YAP1: variants seen among roughly 807,000 people sequenced by gnomAD.
The protein encoded by YAP1 is transcriptional coactivator YAP1.
In YAP1, 5 loss-of-function variants were observed where a neutral mutation model predicts 56.9. That is an observed-to-expected ratio of 0.09 (90% CI 0.05 to 0.18). YAP1 has a LOEUF of 0.18. Among genes scored for constraint, YAP1 ranks in the 10% least tolerant of loss-of-function variants. The pLI is 1.00. For synonymous variants in YAP1, 265 were observed against 248.1 expected (o/e 1.07, Z -0.64); for missense variants, 539 against 651.8 (o/e 0.83, Z 1.88).
intron 2 of YAP1, among the ~76,000 whole-genome samples, chr11:102,152,169 T>C (rs2135352719): frequency 6.6e-6 from 1 of 152,378 alleles, no homozygotes; most frequent in East Asian, 1.9e-4. Context: ...ACTGTCTTTA[T>C]TGATGGCCTG....
chr11:102,169,953 T>TA (rs773443317), intron 3 of YAP1, among the ~76,000 whole-genome samples: 1 of 152,160 alleles, frequency 6.6e-6, no homozygotes, highest in African/African-American at 2.4e-5. Flanking sequence ...CTTTTTGAAA[T>TA]AAAAAAAGTA....
chr11:102,199,008 A>G (rs1158066767), intron 4 of YAP1, among the ~76,000 whole-genome samples: 1 of 152,166 alleles, frequency 6.6e-6, no homozygotes, highest in Non-Finnish European at 1.5e-5. Context: ...GAGAGAGAGA[A>G]TGTATGTGTA....
At chr11:102,198,081 C>T (rs1948661709) in intron 4 of YAP1, among the ~76,000 whole-genome samples, 1 of 152,162 alleles carries the variant, frequency 6.6e-6, no homozygotes, top group African/African-American at 2.4e-5. Flanking sequence ...CTGCTTGTAT[C>T]CATAGGTAAC....
Position 102,200,381 on chromosome 11 carries a change from TTGAAAG to T in YAP1, c.803-5508_803-5503del, listed in dbSNP as rs1948787114. 2.0e-5 allele frequency among the ~76,000 whole-genome samples: 3 copies of T among 152,008 alleles called. No homozygotes were observed. The South Asian group carries it at 6.2e-4, about 31-fold the overall frequency. On this transcript the variant is annotated intron_variant, in intron 4 of 8. Coordinates refer to ENST00000282441, the MANE Select transcript of YAP1 (RefSeq NM_001130145.3). ...TAAAATGGGTGAATTTCTCTGTAGT[TTGAAAG>T]TGAGGAAATGTAATTCAGATTTTTA... is the stretch of plus-strand genomic sequence containing the variant.
chr11:102,206,575 G>T (rs1226055030), intron 5 of YAP1, among the ~76,000 whole-genome samples: 1 of 152,228 alleles, frequency 6.6e-6, no homozygotes, highest in African/African-American at 2.4e-5. Context: ...GCCAGGTGCG[G>T]TGGCTCATGC....
At chr11:102,158,587 G>T (rs1591266923) in intron 2 of YAP1, among the ~76,000 whole-genome samples, 1 of 152,034 alleles carries the variant, frequency 6.6e-6, no homozygotes, top group Non-Finnish European at 1.5e-5. Context: ...GAATAGCAGG[G>T]GTATGAAAGA....
At chr11:102,139,219 C>T (rs1293521743) in intron 2 of YAP1, among the ~76,000 whole-genome samples, 1 of 122,702 alleles carries the variant, frequency 8.1e-6, no homozygotes, top group Non-Finnish European at 1.9e-5. Context: ...CCTAGTTGTT[C>T]TCTTGACTTA....
At chr11:102,156,556 C>T (rs1038108118) in intron 2 of YAP1, among the ~76,000 whole-genome samples, 3 of 152,082 alleles carry the variant, frequency 2.0e-5, no homozygotes, top group Admixed American at 6.6e-5. Flanking sequence ...GTGATTATTA[C>T]GAAAAGAGCT....
chr11:102,201,882 C>A (rs1948878971), intron 4 of YAP1, among the ~76,000 whole-genome samples: 1 of 151,840 alleles, frequency 6.6e-6, no homozygotes, highest in African/African-American at 2.4e-5. Flanking sequence ...TCAAAGAAAT[C>A]AGGGCTTCTT....
intron 2 of YAP1, among the ~76,000 whole-genome samples, chr11:102,140,625 A>G (rs1457943794): frequency 6.6e-6 from 1 of 152,152 alleles, no homozygotes; most frequent in Non-Finnish European, 1.5e-5. Context: ...CGGACGGATC[A>G]CGAGGTCAGG....
At chr11:102,155,066 T>C (rs753867381) in intron 2 of YAP1, among the ~76,000 whole-genome samples, 10 of 152,188 alleles carry the variant, frequency 6.6e-5, no homozygotes, top group Non-Finnish European at 1.5e-5. Context: ...GAAGCAGAGG[T>C]TCAGAAAAGT....
chr11:102,111,097 C>A lies in YAP1; in HGVS notation c.249C>A (p.Thr83=). The stretch of plus-strand genomic sequence containing the variant: ...CCAAGACGGCCAACGTGCCCCAGAC[C>A]GTGCCCATGAGGCTCCGGAAGCTGC... ...MNPKTANVPQ[T]VPMRLRKLPD... is the part of the protein sequence containing the mutation. The change falls in exon 1 of 9, where the codon ACC becomes ACA. Residue 83 remains threonine, a synonymous_variant. Coordinates refer to ENST00000282441, the MANE Select transcript of YAP1 (RefSeq NM_001130145.3). 1 of 1,613,480 alleles carries A rather than the reference C, an allele frequency of 6.2e-7. No individual in the cohort carries two copies. Among genetic ancestry groups the A allele is most frequent in the East Asian group, 2.2e-5 (1 of 44,794 alleles).
intron 2 of YAP1, among the ~76,000 whole-genome samples, chr11:102,145,840 C>T (rs1351559322): frequency 1.3e-5 from 2 of 152,172 alleles, no homozygotes; most frequent in Non-Finnish European, 2.9e-5. Flanking sequence ...TACTCCTTTG[C>T]TCACTCATTT....
At chr11:102,206,328 G>C (rs1949118312) in intron 5 of YAP1, among the ~76,000 whole-genome samples, 1 of 152,146 alleles carries the variant, frequency 6.6e-6, no homozygotes. Flanking sequence ...CATTGCAATT[G>C]AGCAAAAATT....
At chr11:102,212,998 A>T (rs1949484304) in intron 6 of YAP1, among the ~76,000 whole-genome samples, 1 of 152,238 alleles carries the variant, frequency 6.6e-6, no homozygotes, top group Non-Finnish European at 1.5e-5. Flanking sequence ...TGTGAGATTG[A>T]GCAGTTAATG....
intron 2 of YAP1, among the ~76,000 whole-genome samples, chr11:102,116,139 T>C (rs1191795097): frequency 6.6e-6 from 1 of 152,216 alleles, no homozygotes; most frequent in Non-Finnish European, 1.5e-5. Context: ...TCAGCATTCA[T>C]GGATTCAACC....
Position 102,145,136 on chromosome 11 carries a change from A to C in YAP1, c.573-17320A>C, listed in dbSNP as rs12285649. 2.2e-3 allele frequency among the ~76,000 whole-genome samples: 329 copies of C among 152,062 alleles called. 2 individuals carry two copies. Among genetic ancestry groups the C allele is most frequent in the African/African-American group, 7.8e-3 (323 of 41,550 alleles). ...TAGCAAGAGTTGTAAACCGGAGTTCATATGTGAAATGTGAGACTGTGACCT... is the reference window on the plus strand; with the variant it reads ...TAGCAAGAGTTGTAAACCGGAGTTCCTATGTGAAATGTGAGACTGTGACCT... On this transcript the variant is annotated intron_variant, in intron 2 of 8. Coordinates refer to ENST00000282441, the MANE Select transcript of YAP1 (RefSeq NM_001130145.3).
At chr11:102,124,159 G>A (rs1039662793) in intron 2 of YAP1, among the ~76,000 whole-genome samples, 3 of 151,474 alleles carry the variant, frequency 2.0e-5, no homozygotes, top group Non-Finnish European at 4.4e-5. Flanking sequence ...CACCATGTTG[G>A]CCAGGTTGGT....
At chr11:102,151,254 CT>C in intron 2 of YAP1, among the ~76,000 whole-genome samples, 1 of 152,240 alleles carries the variant, frequency 6.6e-6, no homozygotes, top group East Asian at 1.9e-4. Flanking sequence ...ATGTTAAGCC[CT>C]TTTTCAGCCA....
Sources: gnomAD v4.1 joint callset for allele counts (sites outside exome capture counted in the v4.1 genomes callset) on GRCh38, gnomAD v4.1.1 for gene constraint, MANE v1.5 for transcripts, NCBI Gene and HGNC (gene_info 2026-07-23, HGNC 2026-07-21) for gene names.